The following ULK2 variants were observed in gnomAD, a reference collection of about 807,000 sequenced individuals.
The protein encoded by ULK2 is serine/threonine-protein kinase ULK2.
Under a neutral mutation model 127.5 loss-of-function variants are expected in ULK2, and 76 were observed. That is an observed-to-expected ratio of 0.60 (90% confidence interval 0.50 to 0.72). The LOEUF (loss-of-function observed/expected upper bound fraction) is 0.72, where lower values mean the gene tolerates loss of function less well. ULK2 is among the 30% of genes least tolerant of loss of function. The probability of loss-of-function intolerance (pLI) is 0.00; values close to 1 mark genes in which losing one functional copy is unlikely to be tolerated. For missense variants in ULK2, 1,144 were observed against 1,295.9 expected, an observed-to-expected ratio of 0.88 and a Z score of 1.80; for synonymous variants, 452 against 461.9, an observed-to-expected ratio of 0.98 and a Z score of 0.28.
intron 10 of ULK2, among the ~76,000 whole-genome samples, chr17:19,831,983 G>A (rs2041462162): frequency 1.3e-5 from 2 of 152,058 alleles, no homozygotes; most frequent in South Asian, 4.1e-4. Flanking sequence ...AAATAGCCAG[G>A]TGTGGTGACT....
chr17:19,782,939 C>CAAAT (rs538237566), intron 22 of ULK2, among the ~76,000 whole-genome samples: 10,524 of 150,948 alleles, frequency 0.07, 1,065 homozygotes, highest in African/African-American at 0.22. Flanking sequence ...AACAAACAAA[C>CAAAT]AAATAAATAA....
intron 3 of ULK2, among the ~76,000 whole-genome samples, chr17:19,861,842 A>C (rs2042249158): frequency 6.6e-6 from 1 of 152,212 alleles, no homozygotes; most frequent in Non-Finnish European, 1.5e-5. Flanking sequence ...TCAAATGAAG[A>C]AACGAATTAA....
chr17:19,835,553 A>G (rs1202606302), intron 10 of ULK2, among the ~76,000 whole-genome samples: 4 of 150,658 alleles, frequency 2.7e-5, no homozygotes, highest in Non-Finnish European at 5.9e-5. Flanking sequence ...CGTCTCTACT[A>G]AAAATACAAA....
At chr17:19,777,322 C>A (rs565965200) in intron 26 of ULK2, among the ~76,000 whole-genome samples, 67 of 152,196 alleles carry the variant, frequency 4.4e-4, no homozygotes, top group Non-Finnish European at 8.5e-4. Context: ...CCGGGCTGGT[C>A]TTGCACTCCT....
chr17:19,801,794 T>TCC lies in ULK2; in HGVS notation c.1423_1424insGG (p.Tyr475TrpfsTer147). 6.2e-7 allele frequency: 1 copy of TCC among 1,613,866 alleles called. No homozygotes were observed. Among genetic ancestry groups the TCC allele is most frequent in the Non-Finnish European group, 8.5e-7 (1 of 1,179,968 alleles). On this transcript the variant is annotated frameshift_variant, in exon 16 of 27. Transcript: ENST00000395544. LOFTEE classifies it high-confidence loss of function. Reference sequence around the variant, plus strand: ...CTACTTACCCAAAGGGGAAGGTGAGTAAGGCCTAGAAGACCCAGTGGAGAG... The same window carrying TCC: ...CTACTTACCCAAAGGGGAAGGTGAGTCCAAGGCCTAGAAGACCCAGTGGAGAG...
Position 19,777,400 on chromosome 17 carries a change from T to C in ULK2, c.3052+181A>G, listed in dbSNP as rs375681276. On this transcript the variant is annotated intron_variant, in intron 26 of 26. Coordinates refer to ENST00000395544, the MANE Select transcript of ULK2 (RefSeq NM_014683.4). ...GATTACAGGCGTGAGACACTGTGCC[T>C]GGCCCTACTCCTATTTTATGAAAAA... Among the ~76,000 whole-genome samples the C allele has an allele frequency of 4.1e-4, 62 of 152,316 alleles. 1 individual carries two copies. The East Asian group carries it at 0.011, about 27-fold the overall frequency.
intron 23 of ULK2, 54 bp from the exon 24 acceptor site, chr17:19,781,158 G>C: frequency 6.7e-7 from 1 of 1,490,614 alleles, no homozygotes; most frequent in Non-Finnish European, 9.3e-7. Flanking sequence ...TGTAAGATGT[G>C]GCACTCTACA....
At chr17:19,849,930 T>C (rs1387322930) in intron 3 of ULK2, among the ~76,000 whole-genome samples, 156 bp from the exon 4 acceptor site, 1 of 152,214 alleles carries the variant, frequency 6.6e-6, no homozygotes, top group Non-Finnish European at 1.5e-5. Context: ...CCCAACACAA[T>C]GATGTAATTA....
rs2086929792 is a variant in ULK2, at chr17:19,782,020, G to A, written c.2508C>T (p.Phe836=). ...CTGTCAGGTCCAGCACACACTCAGT[G>A]AACATCAGCATCACATTCAGATGGC... The part of the protein sequence containing the change: ...TLRHLNVMLM[F]TECVLDLTAM... Residue 836 remains phenylalanine, a synonymous_variant, in exon 23 of 27, where the codon TTC becomes TTT. Transcript: ENST00000395544. 1.9e-6 allele frequency: 3 copies of A among 1,614,210 alleles called. No homozygotes were observed. Among genetic ancestry groups the A allele is most frequent in the South Asian group, 2.2e-5 (2 of 91,074 alleles).
intron 5 of ULK2, among the ~76,000 whole-genome samples, 173 bp from the exon 6 acceptor site, chr17:19,847,083 T>G (rs949004068): frequency 2.0e-5 from 3 of 152,220 alleles, no homozygotes; most frequent in African/African-American, 7.2e-5. Context: ...AGATATCAGA[T>G]TTCTCAAAAC....
intron 10 of ULK2, among the ~76,000 whole-genome samples, chr17:19,835,838 T>C (rs1223691273): frequency 6.6e-6 from 1 of 151,524 alleles, no homozygotes; most frequent in Non-Finnish European, 1.5e-5. Context: ...ATAATCTATT[T>C]TGACTAGGAA....
intron 9 of ULK2, among the ~76,000 whole-genome samples, chr17:19,841,140 A>G (rs918232952): frequency 2.0e-5 from 3 of 152,198 alleles, no homozygotes; most frequent in African/African-American, 4.8e-5. Context: ...CTATGAAGAC[A>G]GAGACACAGC....
intron 13 of ULK2, 44 bp downstream of exon 13, chr17:19,816,705 G>T (rs763028908): frequency 2.1e-5 from 31 of 1,470,746 alleles, no homozygotes; most frequent in Middle Eastern, 1.8e-4. Flanking sequence ...TGCTAGTTTA[G>T]TAGATTAAGA....
intron 3 of ULK2, among the ~76,000 whole-genome samples, chr17:19,861,514 C>T (rs1256378689): frequency 3.3e-5 from 5 of 151,464 alleles, no homozygotes; most frequent in Non-Finnish European, 7.4e-5. Context: ...CACTGCGCTC[C>T]AGCCTGGCCA....
rs1388090534 is a variant in ULK2, at chr17:19,845,433, A to T, written c.470-56T>A. 2.3e-6 allele frequency: 3 copies of T among 1,281,678 alleles called. No individual in the cohort carries two copies. The East Asian group carries it at 7.0e-5, about 30-fold the overall frequency. 79.4% of individuals were successfully genotyped at this position (1,281,678 alleles called of 1,614,324 possible). The stretch of plus-strand genomic sequence containing the variant: ...AATTACGTCTTCGCTCATACCTAAC[A>T]TATATCATATGATTCTTCGAGACAC... On this transcript the variant is annotated intron_variant, in intron 6 of 26. Transcript: ENST00000395544.
At chr17:19,802,797 C>T (rs945279062) in intron 15 of ULK2, among the ~76,000 whole-genome samples, 15 of 152,172 alleles carry the variant, frequency 9.9e-5, no homozygotes, top group African/African-American at 3.6e-4. Flanking sequence ...TGTGAGACTC[C>T]ATTCTTTTGC....
At chr17:19,788,585 G>A (rs1215946433) in intron 20 of ULK2, among the ~76,000 whole-genome samples, 5 of 152,084 alleles carry the variant, frequency 3.3e-5, no homozygotes, top group Non-Finnish European at 7.4e-5. Flanking sequence ...GCATGCTTGG[G>A]CCTTGGGTGA....
intron 10 of ULK2, among the ~76,000 whole-genome samples, chr17:19,833,495 G>A (rs1287979494): frequency 6.6e-6 from 1 of 151,948 alleles, no homozygotes; most frequent in Non-Finnish European, 1.5e-5. Context: ...GATCACGTGA[G>A]CCCAGGAGTT....
chr17:19,846,692 G>A, intron 6 of ULK2, 45 bp downstream of exon 6: 1 of 1,484,988 alleles, frequency 6.7e-7, no homozygotes, highest in East Asian at 2.5e-5. Flanking sequence ...TCTAAAAATA[G>A]TTTCAAAAAA....
Sources: gnomAD v4.1 joint callset for allele counts (sites outside exome capture counted in the v4.1 genomes callset) on GRCh38, gnomAD v4.1.1 for gene constraint, MANE v1.5 for transcripts, NCBI Gene and HGNC (gene_info 2026-07-23, HGNC 2026-07-21) for gene names.